NOL10: variants seen among roughly 807,000 people sequenced by gnomAD.
NOL10 encodes nucleolar protein 10.
A neutral mutation model predicts 103.5 loss-of-function variants in NOL10; 58 were observed. The observed-to-expected ratio is 0.56, with a 90% CI of 0.45 to 0.70. The LOEUF (loss-of-function observed/expected upper bound fraction) is 0.70. NOL10 is among the 30% of genes least tolerant of loss of function. NOL10 has a pLI of 0.00. For missense variants in NOL10, 763 were observed against 807.3 expected, an observed-to-expected ratio of 0.95 and a Z score of 0.67; for synonymous variants, 287 against 282.5, an observed-to-expected ratio of 1.02 and a Z score of -0.16.
At chr2:10,671,424 TTTACAAGAGCCACG>T in intron 6 of NOL10, 116 bp downstream of exon 6, 1 of 734,290 alleles carries the variant, frequency 1.4e-6, no homozygotes, top group South Asian at 4.0e-5. Context: ...TTTTTTTTTT[TTTACAAGAGCCACG>T]TATCACTTTT....
chr2:10,622,401 T>C (rs1299839008), intron 13 of NOL10, among the ~76,000 whole-genome samples: 1 of 152,004 alleles, frequency 6.6e-6, no homozygotes, highest in Admixed American at 6.5e-5. Context: ...TGTTAGTAAC[T>C]TGTTAATAAT....
At chr2:10,621,548 C>A (rs888251817) in intron 13 of NOL10, among the ~76,000 whole-genome samples, 3 of 152,110 alleles carry the variant, frequency 2.0e-5, no homozygotes, top group African/African-American at 7.2e-5. Context: ...GAGCTGTGAT[C>A]AGGACACTGC....
intron 3 of NOL10, among the ~76,000 whole-genome samples, chr2:10,676,334 C>T (rs757253979): frequency 1.1e-4 from 16 of 152,176 alleles, no homozygotes; most frequent in African/African-American, 7.2e-5. Context: ...AATATATCCA[C>T]AAGCCTGCCA....
In NOL10 at chr2:10,589,565, A is replaced by G. The variant is rs938935494; in HGVS notation, c.1596+13T>C. 1.0e-5 allele frequency: 16 copies of G among 1,535,274 alleles called. No homozygotes were observed. The highest frequency in any genetic ancestry group is 1.2e-5 in the Non-Finnish European group (14 of 1,143,414). Reference sequence around the variant, plus strand: ...AAACAGTAGCAAATTCTAACTGATAAGGAGTACATTACTTTTTCACGAAGT... The same window carrying G: ...AAACAGTAGCAAATTCTAACTGATAGGGAGTACATTACTTTTTCACGAAGT... On this transcript the variant is annotated intron_variant, in intron 18 of 20. Transcript: ENST00000381685.
intron 13 of NOL10, among the ~76,000 whole-genome samples, chr2:10,629,508 T>TA: frequency 6.6e-6 from 1 of 152,244 alleles, no homozygotes; most frequent in East Asian, 1.9e-4. Flanking sequence ...TGTTTGTCTT[T>TA]AGGCAGTGGA....
Position 10,617,230 on chromosome 2 carries a change from G to C in NOL10, c.1027-9919C>G, listed in dbSNP as rs531405667. ...ACTACCTGACAACTACAAAGGCCTA[G>C]AGGTTGGAATTGCTTGGCATGTTTG... On this transcript the variant is annotated intron_variant, in intron 13 of 20. Coordinates refer to ENST00000381685, the MANE Select transcript of NOL10 (RefSeq NM_024894.4). Among the ~76,000 whole-genome samples the C allele has an allele frequency of 4.6e-5, 7 of 152,286 alleles. No individual in the cohort carries two copies. In the South Asian group the frequency reaches 1.5e-3, roughly 32 times the overall value.
intron 12 of NOL10, among the ~76,000 whole-genome samples, chr2:10,646,015 A>C (rs1378379453): frequency 6.6e-6 from 1 of 152,134 alleles, no homozygotes; most frequent in Non-Finnish European, 1.5e-5. Flanking sequence ...AAAAAGCAAG[A>C]ATAATGTCTA....
chr2:10,689,867 C>T lies in NOL10; in HGVS notation c.-6G>A. The T allele has an allele frequency of 6.2e-7, 1 of 1,603,848 alleles. No homozygotes were observed. The highest frequency in any genetic ancestry group is 1.7e-5 in the Admixed American group (1 of 58,462). On this transcript the variant is annotated 5_prime_UTR_variant, in exon 1 of 21. Transcript: ENST00000381685. Reference sequence around the variant, plus strand: ...TTGAGGCTGGAGACCTGCATGGCGCCGCACAACACTGTTCAAGTCCCGGGT... The same window carrying T: ...TTGAGGCTGGAGACCTGCATGGCGCTGCACAACACTGTTCAAGTCCCGGGT...
intron 8 of NOL10, among the ~76,000 whole-genome samples, chr2:10,666,200 G>A (rs1488575522): frequency 2.6e-5 from 4 of 152,078 alleles, no homozygotes; most frequent in Admixed American, 2.6e-4. Flanking sequence ...CATCCATGTT[G>A]CTGCAAAGAA....
intron 1 of NOL10, among the ~76,000 whole-genome samples, chr2:10,685,615 G>A (rs1186209517): frequency 6.6e-6 from 1 of 151,974 alleles, no homozygotes; most frequent in Admixed American, 6.6e-5. Context: ...ATGGGAGACT[G>A]TAGGTCAAAT....
At chr2:10,596,964 C>T (rs531976724) in intron 17 of NOL10, among the ~76,000 whole-genome samples, 2 of 152,140 alleles carry the variant, frequency 1.3e-5, no homozygotes, top group Non-Finnish European at 2.9e-5. Context: ...AGAATAAATA[C>T]ATTCATTCAT....
intron 9 of NOL10, among the ~76,000 whole-genome samples, chr2:10,661,450 CA>C (rs1196758848): frequency 4.0e-5 from 6 of 151,762 alleles, no homozygotes; most frequent in Non-Finnish European, 8.8e-5. Flanking sequence ...CGGCTCACTG[CA>C]ACCTCTGCCT....
chr2:10,593,167 C>T lies in NOL10; in HGVS notation c.1423-3416G>A, dbSNP rs549764205. Among the ~76,000 whole-genome samples, 11 of 149,170 alleles carry T rather than the reference C, an allele frequency of 7.4e-5. No individual in the cohort carries two copies. In the East Asian group the frequency reaches 2.0e-3, roughly 27 times the overall value. ...TCTTTTTTTTCTTTTGAGATGGGGT[C>T]TTGCTCTGTCACGCAGGCTGGAGTG... On this transcript the variant is annotated intron_variant, in intron 17 of 20. Transcript: ENST00000381685.
At chr2:10,588,678 T>C (rs1675242873) in intron 19 of NOL10, among the ~76,000 whole-genome samples, 1 of 152,178 alleles carries the variant, frequency 6.6e-6, no homozygotes, top group Admixed American at 6.5e-5. Flanking sequence ...GGGAACCCCA[T>C]GGGGAAAAAA....
At chr2:10,580,341 C>T (rs1414627627) in intron 19 of NOL10, among the ~76,000 whole-genome samples, 2 of 152,054 alleles carry the variant, frequency 1.3e-5, no homozygotes, top group Non-Finnish European at 2.9e-5. Flanking sequence ...CAGAATTGGC[C>T]TTTCCCTCCC....
intron 17 of NOL10, among the ~76,000 whole-genome samples, chr2:10,592,704 T>A (rs1363739625): frequency 6.6e-6 from 1 of 152,244 alleles, no homozygotes; most frequent in Admixed American, 6.5e-5. Flanking sequence ...AGACTACATA[T>A]GTTGCTGGTA....
At chr2:10,579,553 C>T (rs2884232) in intron 19 of NOL10, among the ~76,000 whole-genome samples, 2 of 149,662 alleles carry the variant, frequency 1.3e-5, no homozygotes, top group East Asian at 2.0e-4. Flanking sequence ...ATGAAGATTT[C>T]GGTTAGCTTT....
At chr2:10,629,410 GAAAT>G (rs886130705) in intron 13 of NOL10, among the ~76,000 whole-genome samples, 1 of 151,752 alleles carries the variant, frequency 6.6e-6, no homozygotes, top group Non-Finnish European at 1.5e-5. Flanking sequence ...TAATAATAAA[GAAAT>G]GTTTAGTGGG....
intron 9 of NOL10, among the ~76,000 whole-genome samples, chr2:10,660,964 A>G (rs1680161169): frequency 6.6e-6 from 1 of 152,128 alleles, no homozygotes; most frequent in African/African-American, 2.4e-5. Flanking sequence ...AAAATTACCT[A>G]AAACCAAATC....
Sources: allele counts gnomAD v4.1 joint callset (sites outside exome capture counted in the v4.1 genomes callset), GRCh38; gene constraint gnomAD v4.1.1; transcripts MANE v1.5; gene names NCBI Gene and HGNC (gene_info 2026-07-23, HGNC 2026-07-21).